Variants in SLFN12L observed in about 807,000 individuals in gnomAD.
SLFN12L encodes schlafen family member 12-like.
SLFN12L carries 34 observed loss-of-function variants against 34.8 expected under a neutral mutation model. The observed-to-expected ratio is 0.98, with a 90% CI of 0.74 to 1.30. SLFN12L has a LOEUF of 1.30. SLFN12L is among the 50% of genes most tolerant of loss of function. The pLI is 0.00. For missense variants in SLFN12L, 703 were observed against 696.2 expected, an observed-to-expected ratio of 1.01 and a Z score of -0.11; for synonymous variants, 259 against 247.5, an observed-to-expected ratio of 1.05 and a Z score of -0.44.
intron 2 of SLFN12L, 81 bp from the exon 3 acceptor site, chr17:35,480,276 C>G: frequency 1.8e-6 from 2 of 1,114,396 alleles, no homozygotes; most frequent in South Asian, 1.7e-5. Context: ...TAGAAAAATC[C>G]TTTACTGTAT....
intron 2 of SLFN12L, among the ~76,000 whole-genome samples, chr17:35,482,067 G>C (rs1445277329): frequency 6.6e-6 from 1 of 152,124 alleles, no homozygotes; most frequent in Non-Finnish European, 1.5e-5. Context: ...TCACCATGTT[G>C]GCCAGGCTGG....
chr17:35,530,271 C>T (rs1170702154), intron 1 of SLFN12L, among the ~76,000 whole-genome samples: 5 of 147,890 alleles, frequency 3.4e-5, no homozygotes, highest in Non-Finnish European at 7.5e-5. Context: ...CACTTGAACC[C>T]GGGAGGCGGA....
intron 2 of SLFN12L, among the ~76,000 whole-genome samples, chr17:35,502,229 TAAA>T (rs1597860303): frequency 6.6e-6 from 1 of 152,070 alleles, no homozygotes; most frequent in Non-Finnish European, 1.5e-5. Flanking sequence ...GTTGTCAGTG[TAAA>T]CAAGGGGGTA....
At position 35,478,121 on chromosome 17, in the gene SLFN12L, A is replaced by T. The variant is rs765169209; in HGVS notation, c.1230T>A (p.Arg410=). Residue 410 remains arginine (R), a synonymous_variant, in exon 4 of 5, where the codon CGT becomes CGA. Transcript: ENST00000628453. ...SSPVSQSYPL[R]EYINFKIQPL... ...GCTGAATTTTGAAGTTAATATATTC[A>T]CGAAGAGGATAACTCTGGGAGACAG... The T allele has an allele frequency of 1.3e-5, 20 of 1,545,534 alleles. No homozygotes were observed. In the East Asian group the frequency reaches 2.0e-4, roughly 15 times the overall value.
chr17:35,496,189 G>C (rs1188618088), intron 2 of SLFN12L, among the ~76,000 whole-genome samples: 1 of 151,892 alleles, frequency 6.6e-6, no homozygotes, highest in African/African-American at 2.4e-5. Flanking sequence ...ATGAGGTTCA[G>C]AACTATTCCT....
intron 2 of SLFN12L, chr17:35,490,275 C>T: frequency 6.6e-7 from 1 of 1,505,912 alleles, no homozygotes; most frequent in Non-Finnish European, 9.2e-7. Flanking sequence ...GGTTCAAAAA[C>T]CCCCAAGGGC....
chr17:35,522,451 T>C lies in SLFN12L; in HGVS notation c.-87A>G, dbSNP rs141034227. On this transcript the variant is annotated 5_prime_UTR_variant, in exon 2 of 5. Coordinates refer to ENST00000628453, the MANE Select transcript of SLFN12L (RefSeq NM_001363830.2). ...TTCTTGTGGAAGCTTCTGGAGAATA[T>C]CTCATACTGCTGGGCTGTGAGCAGA... is the stretch of plus-strand genomic sequence containing the variant. 1 of 1,614,014 alleles carries C rather than the reference T, an allele frequency of 6.2e-7. No homozygotes were observed. The highest frequency in any genetic ancestry group is 2.2e-5 in the East Asian group (1 of 44,870).
intron 2 of SLFN12L, chr17:35,490,924 T>C (rs1309639617): frequency 2.5e-6 from 2 of 795,246 alleles, no homozygotes; most frequent in Non-Finnish European, 4.6e-6. Flanking sequence ...AAGACCCCAA[T>C]GGGAATATCC....
At chr17:35,484,488 C>G (rs961342979) in intron 2 of SLFN12L, among the ~76,000 whole-genome samples, 1 of 152,152 alleles carries the variant, frequency 6.6e-6, no homozygotes, top group African/African-American at 2.4e-5. Context: ...ATTATCTAAA[C>G]CATTTCCAGT....
intron 1 of SLFN12L, among the ~76,000 whole-genome samples, chr17:35,527,936 T>C (rs1007508419): frequency 3.3e-5 from 5 of 152,162 alleles, no homozygotes; most frequent in African/African-American, 7.2e-5. Flanking sequence ...GATGACATGA[T>C]TGTATATTTA....
chr17:35,498,075 G>C (rs1915152434), intron 2 of SLFN12L: 1 of 530,022 alleles, frequency 1.9e-6, no homozygotes, highest in African/African-American at 2.0e-5. Context: ...GAGCGGCGGC[G>C]AGGGCGGCGG....
At chr17:35,516,609 C>T (rs1194318378) in intron 2 of SLFN12L, among the ~76,000 whole-genome samples, 1 of 152,170 alleles carries the variant, frequency 6.6e-6, no homozygotes, top group Non-Finnish European at 1.5e-5. Flanking sequence ...GGGTGACAAC[C>T]GGAAATATCT....
Position 35,522,606 on chromosome 17 carries a change from C to G in SLFN12L, c.-242G>C. On this transcript the variant is annotated 5_prime_UTR_variant, in exon 2 of 5. Transcript: ENST00000628453. ...AACTATAGGACGCAGGGTAATCCATCGGAGACACTGCAGCCTCCAAAGCCT... is the reference window on the plus strand; with the variant it reads ...AACTATAGGACGCAGGGTAATCCATGGGAGACACTGCAGCCTCCAAAGCCT... The G allele has an allele frequency of 6.2e-7, 1 of 1,610,214 alleles. No homozygotes were observed. The highest frequency in any genetic ancestry group is 1.1e-5 in the South Asian group (1 of 90,716).
At chr17:35,512,102 A>G (rs1915663071) in intron 2 of SLFN12L, among the ~76,000 whole-genome samples, 1 of 151,988 alleles carries the variant, frequency 6.6e-6, no homozygotes, top group African/African-American at 2.4e-5. Context: ...TAAGATGGGA[A>G]CAGAAAGTGG....
rs759332473 is a variant in SLFN12L at position 35,479,111 on chromosome 17, C to T, written c.1165+6G>A. The T allele has an allele frequency of 2.6e-6, 4 of 1,542,386 alleles. No homozygotes were observed. Among genetic ancestry groups the T allele is most frequent in the African/African-American group, 2.7e-5 (2 of 72,882 alleles). Reference sequence around the variant, plus strand: ...GTATCCTTATTGCCAATCCTCCTTCCTCAACCTGGTTCTGAATCCACCATG... The same window carrying T: ...GTATCCTTATTGCCAATCCTCCTTCTTCAACCTGGTTCTGAATCCACCATG... On this transcript the variant is annotated splice_donor_region_variant and intron_variant, in intron 3 of 4. Coordinates refer to ENST00000628453, the MANE Select transcript of SLFN12L (RefSeq NM_001363830.2).
Position 35,469,819 on chromosome 17 carries a change from G to A in SLFN12L, c.*5104C>T, listed in dbSNP as rs1913776406. Reference sequence around the variant, plus strand: ...ACCCAGGGCCATGTAACAGACAACTGGGGACCGTCCCTAGGCCCCAAAGCC... The same window carrying A: ...ACCCAGGGCCATGTAACAGACAACTAGGGACCGTCCCTAGGCCCCAAAGCC... On this transcript the variant is annotated 3_prime_UTR_variant, in exon 5 of 5. Coordinates refer to ENST00000628453, the MANE Select transcript of SLFN12L (RefSeq NM_001363830.2). 6.6e-6 allele frequency among the ~76,000 whole-genome samples: 1 copy of A among 152,064 alleles called. No individual in the cohort carries two copies. Among genetic ancestry groups the A allele is most frequent in the South Asian group, 2.1e-4 (1 of 4,822 alleles).
chr17:35,474,880 GAGA>G lies in SLFN12L; in HGVS notation c.*40_*42del. 6.7e-7 allele frequency: 1 copy of G among 1,488,486 alleles called. No homozygotes were observed. The highest frequency in any genetic ancestry group is 8.9e-7 in the Non-Finnish European group (1 of 1,123,116). 92.2% of individuals were successfully genotyped at this position (1,488,486 alleles called of 1,614,324 possible). ...CAGGAGGCAGAGGTTGCAGTGAGTC[GAGA>G]TCGTGTCACTACACTCCAGTCTGGG... is the stretch of plus-strand genomic sequence containing the variant. On this transcript the variant is annotated 3_prime_UTR_variant, in exon 5 of 5. Transcript: ENST00000628453.
At chr17:35,536,808 CAA>C (rs567836499) in intron 1 of SLFN12L, among the ~76,000 whole-genome samples, 2 of 128,490 alleles carry the variant, frequency 1.6e-5, no homozygotes. Context: ...GAGCCTGTCT[CAA>C]AAAAAAAAAA....
chr17:35,486,862 C>G (rs1448688635), intron 2 of SLFN12L, among the ~76,000 whole-genome samples: 1 of 152,208 alleles, frequency 6.6e-6, no homozygotes, highest in Non-Finnish European at 1.5e-5. Context: ...AGAACTGCAA[C>G]CCACAAGGGT....
Sources: allele counts gnomAD v4.1 joint callset (sites outside exome capture counted in the v4.1 genomes callset), GRCh38; gene constraint gnomAD v4.1.1; transcripts MANE v1.5; gene names NCBI Gene and HGNC (gene_info 2026-07-23, HGNC 2026-07-21).